Variants in EPRS1 observed in about 807,000 individuals in gnomAD.
EPRS1 encodes the protein glutamyl-prolyl-tRNA synthetase 1.
In EPRS1, 107 loss-of-function variants were observed where a neutral mutation model predicts 188.3. The observed-to-expected ratio is 0.57, with a 90% confidence interval of 0.49 to 0.67. EPRS1 has a LOEUF of 0.67. Ranked by LOEUF, EPRS1 falls within the 30% of genes least tolerant of loss-of-function variation. The pLI, the probability that EPRS1 is intolerant of heterozygous loss-of-function variation, is 0.00. For missense variants in EPRS1, 1,577 were observed against 1,802.2 expected (o/e 0.88, Z 2.26); for synonymous variants, 596 against 593.1 (o/e 1.00, Z -0.07).
chr1:220,018,216 A>G (rs1661761185), intron 12 of EPRS1: 2 of 1,254,058 alleles, frequency 1.6e-6, no homozygotes, highest in East Asian at 2.8e-5. Context: ...ACTGTTCCCC[A>G]TAATTCCAAG....
intron 1 of EPRS1, among the ~76,000 whole-genome samples, chr1:220,041,555 G>C (rs1662294948): frequency 6.6e-6 from 1 of 151,918 alleles, no homozygotes; most frequent in Admixed American, 6.6e-5. Flanking sequence ...GATTAAGATA[G>C]ACAGGCCAGG....
intron 6 of EPRS1, among the ~76,000 whole-genome samples, chr1:220,029,722 T>C (rs1386165296): frequency 6.6e-6 from 1 of 152,238 alleles, no homozygotes; most frequent in Non-Finnish European, 1.5e-5. Context: ...AAGGACGCTA[T>C]TATAAAGCTT....
intron 12 of EPRS1, among the ~76,000 whole-genome samples, chr1:220,014,426 C>G (rs917978609): frequency 6.6e-6 from 1 of 152,130 alleles, no homozygotes; most frequent in Admixed American, 6.6e-5. Context: ...CTGCCTCTCC[C>G]CTACCTTGAC....
At chr1:219,988,472 T>G in intron 19 of EPRS1, 118 bp downstream of exon 19, 2 of 657,884 alleles carry the variant, frequency 3.0e-6, no homozygotes, top group South Asian at 4.0e-5. Flanking sequence ...GTAAGAGAAT[T>G]AAGAACTGAA....
At chr1:220,024,202 A>G (rs1661929074) in intron 8 of EPRS1, 62 bp downstream of exon 8, 1 of 1,125,532 alleles carries the variant, frequency 8.9e-7, no homozygotes, top group Admixed American at 2.9e-5. Context: ...AAAAGAAATC[A>G]CGTTCTACTA....
intron 1 of EPRS1, among the ~76,000 whole-genome samples, chr1:220,045,870 T>G (rs912731612): frequency 3.3e-5 from 5 of 152,126 alleles, no homozygotes; most frequent in Non-Finnish European, 5.9e-5. Context: ...AAAATTTGAC[T>G]CAAGTGAACT....
intron 18 of EPRS1, among the ~76,000 whole-genome samples, chr1:219,992,100 A>G (rs1200353417): frequency 1.3e-5 from 2 of 152,164 alleles, no homozygotes; most frequent in African/African-American, 4.8e-5. Context: ...TCTTAAAGCT[A>G]TCTGGGGTGA....
Position 220,046,433 on chromosome 1 carries a change from C to T in EPRS1, c.-45G>A, listed in dbSNP as rs1445942657. 4 of 1,611,986 alleles carry T rather than the reference C, an allele frequency of 2.5e-6. No individual in the cohort carries two copies. In the Admixed American group the frequency reaches 6.7e-5, roughly 27 times the overall value. On this transcript the variant is annotated 5_prime_UTR_variant, in exon 1 of 32. Transcript: ENST00000366923. Reference sequence around the variant, plus strand: ...CACCTGTCAGTACGCCTGGCTCGTGCCAGAACTACGGAGGACCCCGCGAAA... The same window carrying T: ...CACCTGTCAGTACGCCTGGCTCGTGTCAGAACTACGGAGGACCCCGCGAAA...
Position 220,010,983 on chromosome 1 carries a change from G to A in EPRS1, c.1568C>T (p.Ala523Val), listed in dbSNP as rs1171635266. ...GGCTACTTCTTTCATCTCCTCCTGA[G>A]CTTCAGGTACATTCACTGGGATCAC... ...KEVIPVNVPE[A>V]QEEMKEVAKH... The change falls in exon 13 of 32, where the codon GCT (alanine) becomes GTT (valine). Residue 523 changes from alanine to valine, a missense_variant. Physicochemically the swap from Ala to Val is moderately conservative, Grantham distance 64. Transcript: ENST00000366923. 3.1e-6 allele frequency: 5 copies of A among 1,613,244 alleles called. No individual in the cohort carries two copies. Among genetic ancestry groups the A allele is most frequent in the Middle Eastern group, 1.7e-4 (1 of 6,060 alleles).
At chr1:220,018,640 T>C in intron 11 of EPRS1, 132 bp from the exon 12 acceptor site, 1 of 677,716 alleles carries the variant, frequency 1.5e-6, no homozygotes, top group Non-Finnish European at 2.6e-6. Context: ...TCTAGTGAAA[T>C]ATAAAACTCA....
Position 220,019,044 on chromosome 1 carries a change from A to G in EPRS1, c.1385T>C (p.Leu462Pro), listed in dbSNP as rs745435345. The G allele has an allele frequency of 1.2e-6, 2 of 1,613,444 alleles. No homozygotes were observed. Residue 462 changes from leucine to proline, a missense_variant, in exon 11 of 32, where the codon CTG (leucine) becomes CCG (proline). Physicochemically the swap from Leu to Pro is moderately conservative, Grantham distance 98 (BLOSUM62 -3). Transcript: ENST00000366923. ...TCCTTCAACTGTCATCCCTCTTCTC[A>G]GTACACCACGAACCGTAGGAAATCT... Reference protein sequence around the residue: ...DPRFPTVRGVLRRGMTVEGLK... With the variant: ...DPRFPTVRGVPRRGMTVEGLK...
chr1:219,997,402 A>G, intron 17 of EPRS1, 60 bp from the exon 18 acceptor site: 1 of 1,380,726 alleles, frequency 7.2e-7, no homozygotes, highest in East Asian at 2.4e-5. Flanking sequence ...TTTCCCACAA[A>G]ATTATTTCAA....
At position 219,968,831 on chromosome 1, in the gene EPRS1, T is replaced by C; in HGVS notation, c.4514A>G (p.Tyr1505Cys). ...CVCGKNPAKY[Y>C]TLFGRSY ...TCAGTAGCTGCGACCAAATAAGGTG[T>C]AGTACTTGGCAGGGTTCTTGCCACA... The change falls in exon 32 of 32, where the codon TAC becomes TGC. Residue 1505 changes from tyrosine to cysteine, a missense_variant. Transcript: ENST00000366923. The C allele has an allele frequency of 1.9e-6, 3 of 1,614,120 alleles. No homozygotes were observed. The highest frequency in any genetic ancestry group is 2.5e-6 in the Non-Finnish European group (3 of 1,180,000).
At chr1:220,005,849 T>TTTTTTTTTG (rs1661456312) in intron 15 of EPRS1, among the ~76,000 whole-genome samples, 1 of 95,662 alleles carries the variant, frequency 1.0e-5, no homozygotes, top group Non-Finnish European at 2.2e-5. Context: ...TTGTTTTTTT[T>TTTTTTTTTG]TGTAGAGACG....
At chr1:220,009,150 T>A (rs913884062) in intron 13 of EPRS1, among the ~76,000 whole-genome samples, 3 of 152,176 alleles carry the variant, frequency 2.0e-5, no homozygotes, top group African/African-American at 7.2e-5. Context: ...AACAATCAGA[T>A]ATAAAGAAAG....
At chr1:219,980,003 C>A in intron 26 of EPRS1, 82 bp downstream of exon 26, 1 of 1,202,682 alleles carries the variant, frequency 8.3e-7, no homozygotes, top group Non-Finnish European at 1.2e-6. Context: ...GAGTCTACTT[C>A]TGTGATGACA....
chr1:220,035,434 G>A (rs1428610034), intron 2 of EPRS1, among the ~76,000 whole-genome samples: 1 of 152,194 alleles, frequency 6.6e-6, no homozygotes, highest in Non-Finnish European at 1.5e-5. Context: ...TTAGAGGCAT[G>A]AGCCACCACG....
intron 17 of EPRS1, among the ~76,000 whole-genome samples, chr1:219,998,159 AT>A (rs1473804214): frequency 1.3e-5 from 2 of 152,090 alleles, no homozygotes; most frequent in African/African-American, 4.8e-5. Context: ...CTGCCACTTA[AT>A]TTTTCAGAAT....
In EPRS1 at chr1:219,969,120, A is replaced by C. The variant is rs750193060; in HGVS notation, c.4326T>G (p.Ile1442Met). ...DFQKILDSGK[I>M]VQIPFCGEID... ...TTTCCCCACAGAATGGAATCTGAAC[A>C]ATCTAATTAAGAAAAGGAAAAGTAA... The change falls in exon 31 of 32, where the codon ATT becomes ATG. Residue 1442 changes from isoleucine to methionine, a missense_variant and splice_region_variant. Transcript: ENST00000366923. The C allele has an allele frequency of 2.5e-6, 4 of 1,601,108 alleles. No individual in the cohort carries two copies. Among genetic ancestry groups the C allele is most frequent in the Non-Finnish European group, 3.4e-6 (4 of 1,168,318 alleles).
Sources: allele counts gnomAD v4.1 joint callset (sites outside exome capture counted in the v4.1 genomes callset), GRCh38; gene constraint gnomAD v4.1.1; transcripts MANE v1.5; gene names NCBI Gene and HGNC (gene_info 2026-07-23, HGNC 2026-07-21).